GINM1: variants seen among roughly 807,000 people sequenced by gnomAD.
The protein encoded by GINM1 is glycoprotein integral membrane protein 1.
Under a neutral mutation model 37.8 loss-of-function variants are expected in GINM1, and 29 were observed. The ratio of observed to expected loss-of-function variants is 0.77; its 90% CI spans 0.57 to 1.05. The LOEUF (loss-of-function observed/expected upper bound fraction) is 1.05, where lower values mean the gene tolerates loss of function less well. Ranked by LOEUF, GINM1 falls within the 50% of genes least tolerant of loss-of-function variation. The pLI is 0.00. For missense variants in GINM1, 377 were observed against 397.9 expected (o/e 0.95, Z 0.45); for synonymous variants, 143 against 146.2 (o/e 0.98, Z 0.16).
rs1405998798 is a variant in GINM1, at chr6:149,580,576, C to G, written c.587-17C>G. ...AGACACCAGCATTTTGGTAACGTTG[C>G]TCTTTCTCCTGGGTAGAAAGTGTTA... On this transcript the variant is annotated splice_polypyrimidine_tract_variant and intron_variant, in intron 5 of 7. Transcript: ENST00000367419. 3 of 1,599,472 alleles carry G rather than the reference C, an allele frequency of 1.9e-6. No individual in the cohort carries two copies. Among genetic ancestry groups the G allele is most frequent in the Non-Finnish European group, 2.6e-6 (3 of 1,173,376 alleles).
intron 3 of GINM1, among the ~76,000 whole-genome samples, chr6:149,574,635 T>G (rs1777886986): frequency 6.6e-6 from 1 of 152,174 alleles, no homozygotes; most frequent in East Asian, 1.9e-4. Context: ...CATGCCTGTA[T>G]TCCCAGCCCT....
At chr6:149,581,229 C>T (rs1777994996) in intron 6 of GINM1, among the ~76,000 whole-genome samples, 3 of 151,286 alleles carry the variant, frequency 2.0e-5, no homozygotes, top group Admixed American at 2.0e-4. Context: ...GTGGTGTGAT[C>T]TCGGCTTACT....
At chr6:149,576,228 T>G (rs1777912189) in intron 3 of GINM1, 1 of 152,164 alleles carries the variant, frequency 6.6e-6, no homozygotes, top group Admixed American at 6.6e-5. Flanking sequence ...TCTGAGCTCT[T>G]GAACTGAGGC....
intron 1 of GINM1, among the ~76,000 whole-genome samples, chr6:149,571,287 T>G (rs1462422841): frequency 6.9e-6 from 1 of 144,188 alleles, no homozygotes; most frequent in South Asian, 2.2e-4. Context: ...CACTCTAGCC[T>G]GGGCAACAGA....
At chr6:149,575,927 C>T (rs1241286534) in intron 3 of GINM1, among the ~76,000 whole-genome samples, 1 of 152,188 alleles carries the variant, frequency 6.6e-6, no homozygotes, top group Admixed American at 6.5e-5. Flanking sequence ...TATCCAGTTA[C>T]AGCAAGAATC....
Position 149,582,467 on chromosome 6 carries a change from A to G in GINM1, c.745A>G (p.Arg249Gly). 1 of 1,607,640 alleles carries G rather than the reference A, an allele frequency of 6.2e-7. No individual in the cohort carries two copies. Among genetic ancestry groups the G allele is most frequent in the African/African-American group, 1.3e-5 (1 of 74,808 alleles). ...KVMCQWMEKF[R>G]KDLCRFWSNV... ...AATGTGTCAGTGGATGGAAAAGTTT[A>G]GAAAAGATCTGTGTAGGTTCTGGAG... is the stretch of plus-strand genomic sequence containing the variant. Residue 249 changes from arginine (R) to glycine (G), a missense_variant, in exon 7 of 8, where the codon AGA (arginine) becomes GGA (glycine). Arg to Gly is a moderately radical substitution (Grantham distance 125). Transcript: ENST00000367419.
At chr6:149,573,112 C>T (rs376165256) in intron 3 of GINM1, among the ~76,000 whole-genome samples, 5 of 152,132 alleles carry the variant, frequency 3.3e-5, no homozygotes, top group African/African-American at 9.7e-5. Flanking sequence ...CACGAGAGGT[C>T]AGGAGTTTGA....
intron 3 of GINM1, among the ~76,000 whole-genome samples, chr6:149,574,518 T>C (rs147319514): frequency 6.6e-6 from 1 of 152,374 alleles, no homozygotes; most frequent in African/African-American, 2.4e-5. Flanking sequence ...GTTAGTTATT[T>C]TTGGTATCAT....
At chr6:149,570,148 AT>A (rs1777791197) in intron 1 of GINM1, among the ~76,000 whole-genome samples, 3 of 14,588 alleles carry the variant, frequency 2.1e-4, no homozygotes, top group South Asian at 2.2e-3. Context: ...ATATATATAT[AT>A]ATATATATAT....
chr6:149,580,144 A>C (rs1309758745), intron 5 of GINM1, among the ~76,000 whole-genome samples, 154 bp downstream of exon 5: 1 of 152,232 alleles, frequency 6.6e-6, no homozygotes, highest in Admixed American at 6.5e-5. Flanking sequence ...CTTGTTTAAA[A>C]AAATGCTTCA....
At chr6:149,579,305 G>A (rs1027008098) in intron 4 of GINM1, among the ~76,000 whole-genome samples, 1 of 152,206 alleles carries the variant, frequency 6.6e-6, no homozygotes, top group Admixed American at 6.5e-5. Flanking sequence ...GTAGAATCGA[G>A]ATTAAGCTTA....
At chr6:149,582,908 G>A (rs915143583) in intron 7 of GINM1, among the ~76,000 whole-genome samples, 1 of 152,178 alleles carries the variant, frequency 6.6e-6, no homozygotes, top group Non-Finnish European at 1.5e-5. Flanking sequence ...AAATGCAACT[G>A]TATGATCAGA....
rs531574872 is a variant in GINM1, at chr6:149,568,431, C to T, written c.120+1897C>T. Reference sequence around the variant, plus strand: ...TCCCACATATTGTGTAAGTGCTGTCCAGTAGAACTTTCTGCCTTGATGGTT... The same window carrying T: ...TCCCACATATTGTGTAAGTGCTGTCTAGTAGAACTTTCTGCCTTGATGGTT... On this transcript the variant is annotated intron_variant, in intron 1 of 7. Coordinates refer to ENST00000367419, the MANE Select transcript of GINM1 (RefSeq NM_138785.5). Among the ~76,000 whole-genome samples, 18 of 152,356 alleles carry T rather than the reference C, an allele frequency of 1.2e-4. No homozygotes were observed. The East Asian group carries it at 3.5e-3, about 29-fold the overall frequency.
At position 149,566,527 on chromosome 6, in the gene GINM1, C is replaced by T. The variant is rs1031743815; in HGVS notation, c.113C>T (p.Ala38Val). 8 of 1,524,272 alleles carry T rather than the reference C, an allele frequency of 5.2e-6. No homozygotes were observed. In the Admixed American group the frequency reaches 1.6e-4, roughly 30 times the overall value. The allele number at this position is 1,524,272 out of a possible 1,614,324, so 94.4% of individuals were successfully genotyped here. ...CCCGAGCCGCCGCCGCTGTCCGGAG[C>T]CCCACAGGTAGGGCAGGGCGGGCCT... ...GAPEPPPLSG[A>V]PQDGIRINVT... is the part of the protein sequence containing the mutation. The change falls in exon 1 of 8, where the codon GCC becomes GTC. Residue 38 changes from alanine (A) to valine (V), a missense_variant. Ala to Val is a moderately conservative substitution (Grantham distance 64). Coordinates refer to ENST00000367419, the MANE Select transcript of GINM1 (RefSeq NM_138785.5). This position sits in a 1 kb window ranked among gnomAD's most constrained non-coding sequence, Gnocchi z 4.4.
At chr6:149,576,602 G>GA (rs150991023) in intron 3 of GINM1, among the ~76,000 whole-genome samples, 4,095 of 150,402 alleles carry the variant, frequency 0.027, 158 homozygotes, top group African/African-American at 0.093. Context: ...AACAAAAAAA[G>GA]AAAAAAAAAT....
In GINM1 at chr6:149,567,401, A is replaced by G. The variant is rs1266675270; in HGVS notation, c.120+867A>G. Among the ~76,000 whole-genome samples, 4 of 152,202 alleles carry G rather than the reference A, an allele frequency of 2.6e-5. No homozygotes were observed. The South Asian group carries it at 6.2e-4, about 24-fold the overall frequency. On this transcript the variant is annotated intron_variant, in intron 1 of 7. Coordinates refer to ENST00000367419, the MANE Select transcript of GINM1 (RefSeq NM_138785.5). ...ACACCTCTTCCTAGTCAAGACTTGA[A>G]TATGAACACTCTAAATACAAAGGCG...
At position 149,591,628 on chromosome 6, in the gene GINM1, T is replaced by C. The variant is rs1056509972; in HGVS notation, c.*790T>C. On this transcript the variant is annotated 3_prime_UTR_variant, in exon 8 of 8. Coordinates refer to ENST00000367419, the MANE Select transcript of GINM1 (RefSeq NM_138785.5). ...GACTCAGTATAAAATCACTGAAGTG[T>C]ATCATGATTTGATTGTATCCTGTAC... 6.6e-6 allele frequency: 1 copy of C among 152,148 alleles called. No individual in the cohort carries two copies. Among genetic ancestry groups the C allele is most frequent in the Non-Finnish European group, 1.5e-5 (1 of 68,034 alleles). 9.4% of individuals were successfully genotyped at this position (152,148 alleles called of 1,614,324 possible).
At chr6:149,568,434 T>C (rs1429919704) in intron 1 of GINM1, among the ~76,000 whole-genome samples, 3 of 152,266 alleles carry the variant, frequency 2.0e-5, no homozygotes, top group Non-Finnish European at 4.4e-5. Context: ...TGCTGTCCAG[T>C]AGAACTTTCT....
chr6:149,584,358 C>T (rs1778041804), intron 7 of GINM1: 1 of 152,138 alleles, frequency 6.6e-6, no homozygotes, highest in Non-Finnish European at 1.5e-5. Flanking sequence ...AGCTACATTG[C>T]ATTATACTGT....
Sources: allele counts gnomAD v4.1 joint callset (sites outside exome capture counted in the v4.1 genomes callset), GRCh38; gene constraint gnomAD v4.1.1; non-coding constraint Gnocchi (gnomAD v3.1); transcripts MANE v1.5; gene names NCBI Gene and HGNC (gene_info 2026-07-23, HGNC 2026-07-21).